Variants in SMARCA2 observed in about 807,000 individuals in gnomAD.
SMARCA2 encodes the protein SWI/SNF-related matrix-associated actin-dependent regulator of chromatin subfamily A member 2.
A neutral mutation model predicts 199.8 loss-of-function variants in SMARCA2; 61 were observed. That is an observed-to-expected ratio of 0.31 (90% CI 0.25 to 0.38). SMARCA2 has a LOEUF of 0.38. Among genes scored for constraint, SMARCA2 ranks in the 10% least tolerant of loss-of-function variants. The probability of loss-of-function intolerance (pLI) is 1.00; values close to 1 mark genes in which losing one functional copy is unlikely to be tolerated. For missense variants in SMARCA2, 1,344 were observed against 2,012.2 expected (o/e 0.67, Z 6.35); for synonymous variants, 935 against 732.0 (o/e 1.28, Z -4.48).
At chr9:2,067,673 A>G (rs1281283383) in intron 9 of SMARCA2, among the ~76,000 whole-genome samples, 1 of 152,226 alleles carries the variant, frequency 6.6e-6, no homozygotes, top group East Asian at 1.9e-4. Context: ...TCATACAGCT[A>G]AGATCTCTTG....
chr9:2,053,134 C>T (rs1820199402), intron 5 of SMARCA2, among the ~76,000 whole-genome samples: 1 of 152,160 alleles, frequency 6.6e-6, no homozygotes, highest in African/African-American at 2.4e-5. Flanking sequence ...CCTCCCTCCC[C>T]CGTCTAGTAG....
intron 1 of SMARCA2, among the ~76,000 whole-genome samples, chr9:2,025,631 G>T (rs1818795623): frequency 6.6e-6 from 1 of 152,120 alleles, no homozygotes; most frequent in Non-Finnish European, 1.5e-5. Context: ...GATACTGGCA[G>T]GGCTGGTGAG....
chr9:2,181,628 A>G lies in SMARCA2; in HGVS notation c.4311A>G (p.Pro1437=). Residue 1437 remains proline (P), a synonymous_variant, in exon 30 of 34, where the codon CCA becomes CCG. Coordinates refer to ENST00000349721, the MANE Select transcript of SMARCA2 (RefSeq NM_003070.5). ...AGTTACCTTCAAGGAAAGAATTACC[A>G]GAATACTATGAATTAATTAGGAAGC... ...FIQLPSRKEL[P]EYYELIRKPV... 8 of 1,598,762 alleles carry G rather than the reference A, an allele frequency of 5.0e-6. No individual in the cohort carries two copies. The highest frequency in any genetic ancestry group is 6.9e-6 in the Non-Finnish European group (8 of 1,166,050).
At chr9:2,164,400 G>A (rs1825841837) in intron 28 of SMARCA2, among the ~76,000 whole-genome samples, 1 of 152,108 alleles carries the variant, frequency 6.6e-6, no homozygotes, top group African/African-American at 2.4e-5. Flanking sequence ...ACCAGCTATG[G>A]GACAGTGGAG....
chr9:2,040,043 T>C lies in SMARCA2; in HGVS notation c.790+143T>C. ...CACTGGCTCTCTATCCTTGCTCCAC[T>C]TAGATGGCCAAGATTCTTGGTCTTC... On this transcript the variant is annotated intron_variant, in intron 4 of 33. Coordinates refer to ENST00000349721, the MANE Select transcript of SMARCA2 (RefSeq NM_003070.5). 3.5e-6 allele frequency: 5 copies of C among 1,429,870 alleles called. No individual in the cohort carries two copies. In the South Asian group the frequency reaches 6.9e-5, roughly 20 times the overall value. 88.6% of individuals were successfully genotyped at this position (1,429,870 alleles called of 1,614,324 possible).
In SMARCA2 at chr9:2,076,436, A is replaced by G. The variant is rs112539174; in HGVS notation, c.2036+107A>G. On this transcript the variant is annotated intron_variant, in intron 13 of 33. Transcript: ENST00000349721. ...GGAAGGCAACTAACTTCACGCCTAC[A>G]CTCTGCTTGAAACTGTGCTCCTAGA... 3.2e-3 allele frequency: 2,344 copies of G among 734,724 alleles called. 36 individuals are homozygous for G. In the African/African-American group the frequency reaches 0.035, roughly 11 times the overall value. The allele number at this position is 734,724 out of a possible 1,614,324, so 45.5% of individuals were successfully genotyped here.
In SMARCA2 at chr9:2,099,951, G is replaced by T. The variant is rs552590655; in HGVS notation, c.3079-1619G>T. On this transcript the variant is annotated intron_variant, in intron 21 of 33. Transcript: ENST00000349721. ...ATGGAGACCATGGGTTTGGTTCTAG[G>T]GGATGGAGTTGAGGTATTGGCCACA... Among the ~76,000 whole-genome samples, 5 of 152,306 alleles carry T rather than the reference G, an allele frequency of 3.3e-5. No individual in the cohort carries two copies. In the East Asian group the frequency reaches 9.7e-4, roughly 29 times the overall value.
Position 2,186,682 on chromosome 9 carries a change from C to T in SMARCA2, c.4594+454C>T, listed in dbSNP as rs187808160. On this transcript the variant is annotated intron_variant, in intron 32 of 33. Coordinates refer to ENST00000349721, the MANE Select transcript of SMARCA2 (RefSeq NM_003070.5). ...CTGGAATTACAGGCGTGTGCCACCA[C>T]GCCCGGCTAATTTTTATATTTTTAG... Among the ~76,000 whole-genome samples, 374 of 152,214 alleles carry T rather than the reference C, an allele frequency of 2.5e-3. 2 individuals are homozygous for T. Among genetic ancestry groups the T allele is most frequent in the Non-Finnish European group, 2.5e-3 (167 of 68,004 alleles).
intron 27 of SMARCA2, among the ~76,000 whole-genome samples, chr9:2,124,145 A>G (rs1196170085): frequency 6.6e-6 from 1 of 152,230 alleles, no homozygotes; most frequent in African/African-American, 2.4e-5. Flanking sequence ...CTGCACTTCA[A>G]GGCGGTGCTT....
chr9:2,158,967 A>AG, intron 27 of SMARCA2: 1 of 1,612,222 alleles, frequency 6.2e-7, no homozygotes. Context: ...CCTTAGTTTG[A>AG]GGGGAATAAT....
At chr9:2,066,699 A>G (rs934765656) in intron 9 of SMARCA2, among the ~76,000 whole-genome samples, 1 of 152,214 alleles carries the variant, frequency 6.6e-6, no homozygotes, top group Non-Finnish European at 1.5e-5. Context: ...TTTTCAATCA[A>G]TGGAAATAAG....
At chr9:2,142,086 G>C (rs902617587) in intron 27 of SMARCA2, among the ~76,000 whole-genome samples, 1 of 152,122 alleles carries the variant, frequency 6.6e-6, no homozygotes, top group African/African-American at 2.4e-5. Flanking sequence ...CCCTCTCCTT[G>C]GTTGTCTCTG....
intron 33 of SMARCA2, 157 bp downstream of exon 33, chr9:2,191,565 C>A: frequency 1.3e-6 from 1 of 790,252 alleles, no homozygotes; most frequent in Non-Finnish European, 2.0e-6. Flanking sequence ...GTGAACGGAG[C>A]TGTATGATTT....
intron 5 of SMARCA2, among the ~76,000 whole-genome samples, chr9:2,050,293 A>G (rs1339168215): frequency 6.6e-6 from 1 of 151,700 alleles, no homozygotes; most frequent in African/African-American, 2.4e-5. Flanking sequence ...CTTCCATAGT[A>G]AGTGTCAGAG....
At chr9:2,132,523 G>A (rs1056922217) in intron 27 of SMARCA2, among the ~76,000 whole-genome samples, 1 of 152,116 alleles carries the variant, frequency 6.6e-6, no homozygotes, top group African/African-American at 2.4e-5. Context: ...CATTTGTTTT[G>A]TCATTTAAAA....
chr9:2,016,304 G>T lies in SMARCA2; in HGVS notation c.-37+900G>T, dbSNP rs1050474923. ...CCTCTGGTACCTGGCGGCAGCGCAGGCTCGGGTGTTAAAGTTCGGGATGTC... is the reference window on the plus strand; with the variant it reads ...CCTCTGGTACCTGGCGGCAGCGCAGTCTCGGGTGTTAAAGTTCGGGATGTC... On this transcript the variant is annotated intron_variant, in intron 1 of 33. Transcript: ENST00000349721. The surrounding 1 kb of genome is among the most constrained non-coding windows in gnomAD (Gnocchi z 5.6). The T allele has an allele frequency of 5.9e-5, 9 of 152,612 alleles. No individual in the cohort carries two copies. Among genetic ancestry groups the T allele is most frequent in the African/African-American group, 2.2e-4 (9 of 41,584 alleles). The allele number at this position is 152,612 out of a possible 1,614,324, so 9.5% of individuals were successfully genotyped here.
intron 9 of SMARCA2, among the ~76,000 whole-genome samples, chr9:2,069,383 C>T (rs1469358174): frequency 2.0e-5 from 3 of 151,254 alleles, no homozygotes; most frequent in Admixed American, 6.6e-5. Flanking sequence ...GGTGAAACCC[C>T]GTCTCCACTA....
chr9:2,181,933 A>G (rs1034079462), intron 30 of SMARCA2, among the ~76,000 whole-genome samples: 1 of 152,118 alleles, frequency 6.6e-6, no homozygotes, highest in African/African-American at 2.4e-5. Flanking sequence ...ATTTCCCATC[A>G]TATGCTCCTC....
chr9:2,187,270 C>A (rs1193936948), intron 32 of SMARCA2, among the ~76,000 whole-genome samples: 2 of 152,000 alleles, frequency 1.3e-5, no homozygotes, highest in Non-Finnish European at 2.9e-5. Context: ...GTTTTGGTGC[C>A]CCCTTAAATT....
Sources: gnomAD v4.1 joint callset for allele counts (sites outside exome capture counted in the v4.1 genomes callset) on GRCh38, gnomAD v4.1.1 for gene constraint, Gnocchi (gnomAD v3.1) non-coding constraint, MANE v1.5 for transcripts, NCBI Gene and HGNC (gene_info 2026-07-23, HGNC 2026-07-21) for gene names.